UBE2R2: variants seen among roughly 807,000 people sequenced by gnomAD.
The protein encoded by UBE2R2 is ubiquitin conjugating enzyme E2 R2, also known as ubiquitin-conjugating enzyme E2 R2.
UBE2R2 carries 1 observed loss-of-function variant against 27.8 expected under a neutral mutation model. The ratio of observed to expected loss-of-function variants is 0.04; its 90% CI spans 0.01 to 0.17. UBE2R2 has a LOEUF of 0.17. Ranked by LOEUF, UBE2R2 falls within the 10% of genes least tolerant of loss-of-function variation. UBE2R2 has a pLI of 1.00. For missense variants in UBE2R2, 100 were observed against 291.0 expected, an observed-to-expected ratio of 0.34 and a Z score of 4.78; for synonymous variants, 106 against 113.3, an observed-to-expected ratio of 0.94 and a Z score of 0.41.
At chr9:33,850,924 T>C (rs938088387) in intron 1 of UBE2R2, among the ~76,000 whole-genome samples, 6 of 152,236 alleles carry the variant, frequency 3.9e-5, no homozygotes, top group African/African-American at 1.4e-4. Context: ...ATGCAGTCAC[T>C]TAGGCCAATA....
chr9:33,832,914 G>C (rs1820526759), intron 1 of UBE2R2, among the ~76,000 whole-genome samples: 1 of 151,930 alleles, frequency 6.6e-6, no homozygotes, highest in Non-Finnish European at 1.5e-5. Flanking sequence ...CCACAGCAGG[G>C]CAGTTTTTAT....
intron 1 of UBE2R2, among the ~76,000 whole-genome samples, chr9:33,874,139 G>T (rs1251617634): frequency 6.6e-6 from 1 of 151,836 alleles, no homozygotes; most frequent in Non-Finnish European, 1.5e-5. Flanking sequence ...GTAGAGATGG[G>T]GTTTCACCAT....
At chr9:33,911,927 T>C (rs1564007297) in intron 3 of UBE2R2, 37 bp from the exon 4 acceptor site, 3 of 1,584,104 alleles carry the variant, frequency 1.9e-6, no homozygotes, top group African/African-American at 1.4e-5. Context: ...ACTGTAAATA[T>C]GGGTATTCAT....
intron 1 of UBE2R2, among the ~76,000 whole-genome samples, chr9:33,848,341 C>T (rs1563987337): frequency 6.6e-6 from 1 of 152,026 alleles, no homozygotes; most frequent in Non-Finnish European, 1.5e-5. Context: ...CAGTCATTCT[C>T]CCTCTTTCCA....
At chr9:33,863,843 A>G (rs1204953230) in intron 1 of UBE2R2, among the ~76,000 whole-genome samples, 1 of 151,892 alleles carries the variant, frequency 6.6e-6, no homozygotes, top group Non-Finnish European at 1.5e-5. Context: ...ATGTACCACC[A>G]CGCCTGGCCA....
At chr9:33,914,142 G>A (rs1240496902) in intron 4 of UBE2R2, among the ~76,000 whole-genome samples, 1 of 152,158 alleles carries the variant, frequency 6.6e-6, no homozygotes, top group Non-Finnish European at 1.5e-5. Context: ...GGCATAGCCT[G>A]TCTCCTTAGG....
rs368430352 is a variant in UBE2R2 at position 33,838,939 on chromosome 9, G to A, written c.177+21005G>A. ...TATACTAAAAATACAAAAACTAGCCGAGCATGGTGGAGCGCACCTGTAATC... is the reference window on the plus strand; with the variant it reads ...TATACTAAAAATACAAAAACTAGCCAAGCATGGTGGAGCGCACCTGTAATC... On this transcript the variant is annotated intron_variant, in intron 1 of 4. Transcript: ENST00000263228. 2.0e-5 allele frequency among the ~76,000 whole-genome samples: 3 copies of A among 151,974 alleles called. No homozygotes were observed. The South Asian group carries it at 6.2e-4, about 32-fold the overall frequency.
intron 2 of UBE2R2, among the ~76,000 whole-genome samples, chr9:33,895,062 A>C (rs183493137): frequency 2.6e-4 from 39 of 152,298 alleles, no homozygotes; most frequent in African/African-American, 8.9e-4. Flanking sequence ...TATATATTAT[A>C]CATATTAAAC....
At chr9:33,821,276 C>T (rs1366997890) in intron 1 of UBE2R2, among the ~76,000 whole-genome samples, 1 of 152,128 alleles carries the variant, frequency 6.6e-6, no homozygotes, top group African/African-American at 2.4e-5. Flanking sequence ...CCTCAGCCCC[C>T]TGAGTAGCTG....
At chr9:33,889,969 C>T (rs1355839705) in intron 2 of UBE2R2, among the ~76,000 whole-genome samples, 6 of 152,090 alleles carry the variant, frequency 3.9e-5, no homozygotes, top group Non-Finnish European at 7.4e-5. Context: ...CGTGAGCCAC[C>T]GCACCCAGCA....
rs530239641 is a variant in UBE2R2 at position 33,876,116 on chromosome 9, CTT to C, written c.178-10763_178-10762del. On this transcript the variant is annotated intron_variant, in intron 1 of 4. Coordinates refer to ENST00000263228, the MANE Select transcript of UBE2R2 (RefSeq NM_017811.4). ...GTGACTCACACCTGTAATCCCAGCA[CTT>C]TGGGAGGCCAAGGCAGGTGGATCAC... Among the ~76,000 whole-genome samples, 28 of 152,252 alleles carry C rather than the reference CTT, an allele frequency of 1.8e-4. 1 individual carries two copies. The South Asian group carries it at 5.8e-3, about 32-fold the overall frequency.
intron 1 of UBE2R2, among the ~76,000 whole-genome samples, chr9:33,859,828 ATC>A (rs553662790): frequency 1.4e-5 from 2 of 139,282 alleles, no homozygotes; most frequent in South Asian, 2.3e-4. Context: ...GAGAGACAGG[ATC>A]TCTCTCTATG....
At chr9:33,828,410 T>TG (rs1820364730) in intron 1 of UBE2R2, among the ~76,000 whole-genome samples, 1 of 151,196 alleles carries the variant, frequency 6.6e-6, no homozygotes, top group Non-Finnish European at 1.5e-5. Context: ...TTTTTTTTTT[T>TG]GCAGACAGTC....
intron 2 of UBE2R2, among the ~76,000 whole-genome samples, chr9:33,888,814 C>T (rs1821920291): frequency 6.6e-6 from 1 of 152,102 alleles, no homozygotes; most frequent in Admixed American, 6.6e-5. Flanking sequence ...CCATGCCCGG[C>T]CACCTTTAAA....
At chr9:33,882,300 C>T (rs1821746910) in intron 1 of UBE2R2, among the ~76,000 whole-genome samples, 1 of 151,996 alleles carries the variant, frequency 6.6e-6, no homozygotes, top group Admixed American at 6.6e-5. Flanking sequence ...TTTTATTTAT[C>T]TTTTGAGATG....
intron 1 of UBE2R2, among the ~76,000 whole-genome samples, chr9:33,840,008 A>G (rs1487463493): frequency 6.6e-5 from 10 of 152,064 alleles, no homozygotes; most frequent in African/African-American, 2.4e-4. Context: ...AAAAAAAAAA[A>G]ATTCTGTTGT....
At chr9:33,850,060 G>A (rs1196322308) in intron 1 of UBE2R2, among the ~76,000 whole-genome samples, 1 of 152,104 alleles carries the variant, frequency 6.6e-6, no homozygotes, top group Non-Finnish European at 1.5e-5. Flanking sequence ...TATTTACACA[G>A]AAATTTGTCA....
At chr9:33,877,799 C>CTGTCTG (rs1821638048) in intron 1 of UBE2R2, among the ~76,000 whole-genome samples, 5 of 145,150 alleles carry the variant, frequency 3.4e-5, no homozygotes, top group African/African-American at 1.3e-4. Context: ...TTTTGCCCCT[C>CTGTCTG]TCTGTCTGTC....
intron 2 of UBE2R2, among the ~76,000 whole-genome samples, chr9:33,896,032 C>A (rs1195520755): frequency 6.6e-6 from 1 of 152,032 alleles, no homozygotes. Context: ...CCCGGCCCCC[C>A]AAAGTGCTGG....
Sources: allele counts gnomAD v4.1 joint callset (sites outside exome capture counted in the v4.1 genomes callset), GRCh38; gene constraint gnomAD v4.1.1; transcripts MANE v1.5; gene names NCBI Gene and HGNC (gene_info 2026-07-23, HGNC 2026-07-21).